RNF220: variants seen among roughly 807,000 people sequenced by gnomAD.
RNF220 encodes E3 ubiquitin-protein ligase RNF220.
RNF220 carries 7 observed loss-of-function variants against 67.1 expected under a neutral mutation model. The observed-to-expected ratio is 0.10, with a 90% confidence interval of 0.06 to 0.20. The LOEUF is 0.20. RNF220 is among the 10% of genes least tolerant of loss of function. The pLI, the probability that RNF220 is intolerant of heterozygous loss-of-function variation, is 1.00. For missense variants in RNF220, 565 were observed against 740.3 expected (o/e 0.76, Z 2.75); for synonymous variants, 270 against 283.2 (o/e 0.95, Z 0.47).
intron 2 of RNF220, among the ~76,000 whole-genome samples, chr1:44,545,806 G>T (rs918049613): frequency 6.6e-6 from 1 of 151,234 alleles, no homozygotes; most frequent in African/African-American, 2.4e-5. Flanking sequence ...GCCCAGGCTG[G>T]AGTGCAATGG....
At chr1:44,637,859 G>GC (rs574157386) in intron 8 of RNF220, among the ~76,000 whole-genome samples, 1 of 152,254 alleles carries the variant, frequency 6.6e-6, no homozygotes, top group South Asian at 2.1e-4. Flanking sequence ...GGGAACAGGG[G>GC]CCGGAGGTGC....
chr1:44,605,893 G>A (rs552647590), intron 2 of RNF220, among the ~76,000 whole-genome samples: 1 of 152,228 alleles, frequency 6.6e-6, no homozygotes, highest in East Asian at 1.9e-4. Flanking sequence ...TCTGCCCCAC[G>A]GGCACCGGCC....
At chr1:44,574,022 G>A (rs543442402) in intron 2 of RNF220, among the ~76,000 whole-genome samples, 14 of 152,334 alleles carry the variant, frequency 9.2e-5, no homozygotes, top group African/African-American at 3.4e-4. Flanking sequence ...GGAGGCTGAG[G>A]TGGGAGCATC....
chr1:44,411,787 C>T (rs965655413), intron 1 of RNF220, among the ~76,000 whole-genome samples, 194 bp from the exon 2 acceptor site: 2 of 152,148 alleles, frequency 1.3e-5, no homozygotes, highest in Non-Finnish European at 2.9e-5. Flanking sequence ...GCGTACATCA[C>T]AGTAAGTTGT....
rs1327474733 is a variant in RNF220, at chr1:44,622,438, G to A, written c.759-304G>A. 6.6e-6 allele frequency among the ~76,000 whole-genome samples: 1 copy of A among 152,210 alleles called. No homozygotes were observed. Among genetic ancestry groups the A allele is most frequent in the African/African-American group, 2.4e-5 (1 of 41,448 alleles). The stretch of plus-strand genomic sequence containing the variant: ...TCTCCAGGACAGGCAGAATCTTCAG[G>A]GCTGATACGAGGAGTCAGGTAAAGC... On this transcript the variant is annotated intron_variant, in intron 3 of 14. Coordinates refer to ENST00000361799, the MANE Select transcript of RNF220 (RefSeq NM_018150.4). The surrounding 1 kb of genome is among the most constrained non-coding windows in gnomAD (Gnocchi z 4.3).
chr1:44,548,257 G>A (rs1662335384), intron 2 of RNF220, among the ~76,000 whole-genome samples: 1 of 152,058 alleles, frequency 6.6e-6, no homozygotes, highest in Non-Finnish European at 1.5e-5. Context: ...TCACCATCCA[G>A]TCTTTCTCCC....
intron 2 of RNF220, among the ~76,000 whole-genome samples, chr1:44,445,043 T>G (rs1651937706): frequency 6.6e-6 from 1 of 152,234 alleles, no homozygotes; most frequent in African/African-American, 2.4e-5. Context: ...TTGTCAGACC[T>G]TTTAATATTT....
At chr1:44,543,745 T>C (rs912457242) in intron 2 of RNF220, among the ~76,000 whole-genome samples, 3 of 151,908 alleles carry the variant, frequency 2.0e-5, no homozygotes, top group Non-Finnish European at 4.4e-5. Flanking sequence ...CAGGAGTCAA[T>C]CCCAGAACCC....
chr1:44,564,288 A>T (rs1284348881), intron 2 of RNF220, among the ~76,000 whole-genome samples: 1 of 152,162 alleles, frequency 6.6e-6, no homozygotes, highest in Non-Finnish European at 1.5e-5. Flanking sequence ...CTTCTAACTC[A>T]GTGGTTTACA....
intron 2 of RNF220, among the ~76,000 whole-genome samples, chr1:44,431,578 T>C (rs1572479686): frequency 6.6e-6 from 1 of 152,000 alleles, no homozygotes. Flanking sequence ...AAACAGCAGA[T>C]GTGAGTGCTA....
At chr1:44,632,217 G>A in intron 5 of RNF220, 126 bp from the exon 6 acceptor site, 10 of 1,611,204 alleles carry the variant, frequency 6.2e-6, no homozygotes, top group East Asian at 2.2e-5. Context: ...AAGTAGGTTT[G>A]TTTACGGGCT....
intron 2 of RNF220, among the ~76,000 whole-genome samples, chr1:44,503,598 C>T (rs771111186): frequency 4.7e-4 from 71 of 152,290 alleles, no homozygotes; most frequent in African/African-American, 1.2e-3. Flanking sequence ...CCCCCTGTTC[C>T]GCCCTCTGCC....
At chr1:44,502,864 C>T (rs1377766670) in intron 2 of RNF220, among the ~76,000 whole-genome samples, 1 of 152,106 alleles carries the variant, frequency 6.6e-6, no homozygotes, top group African/African-American at 2.4e-5. Context: ...TTCCTGTGCT[C>T]AAGCGATCCT....
intron 2 of RNF220, among the ~76,000 whole-genome samples, chr1:44,513,665 T>A (rs146145742): frequency 8.1e-4 from 123 of 152,296 alleles, no homozygotes; most frequent in African/African-American, 2.8e-3. Flanking sequence ...AAAAGAGAGA[T>A]GTTTAAAGTA....
At chr1:44,498,054 C>T (rs1384295709) in intron 2 of RNF220, among the ~76,000 whole-genome samples, 4 of 152,142 alleles carry the variant, frequency 2.6e-5, no homozygotes, top group African/African-American at 4.8e-5. Context: ...GGCCTGGCCC[C>T]GACCGAGCTC....
chr1:44,524,169 G>C (rs144716151), intron 2 of RNF220, among the ~76,000 whole-genome samples: 106 of 152,198 alleles, frequency 7.0e-4, no homozygotes, highest in Non-Finnish European at 1.2e-3. Context: ...GCAAGGGCTC[G>C]TAAAGCTGCA....
At chr1:44,607,925 CTT>C (rs56995665) in intron 2 of RNF220, among the ~76,000 whole-genome samples, 16,015 of 141,712 alleles carry the variant, frequency 0.11, 946 homozygotes, top group African/African-American at 0.16. Context: ...GTTCTGTGTA[CTT>C]TTTTTTTTTT....
chr1:44,644,961 A>G (rs1573186312), intron 9 of RNF220, 34 bp from the exon 10 acceptor site: 5 of 1,610,870 alleles, frequency 3.1e-6, no homozygotes, highest in Non-Finnish European at 4.2e-6. Flanking sequence ...GCCTGCTGCA[A>G]ACTAGGATCC....
intron 2 of RNF220, among the ~76,000 whole-genome samples, chr1:44,580,821 C>G (rs1039170421): frequency 2.0e-5 from 3 of 152,216 alleles, no homozygotes; most frequent in Non-Finnish European, 1.5e-5. Context: ...GGTTGTGTGT[C>G]CCTCCTTCCC....
Sources: gnomAD v4.1 joint callset for allele counts (sites outside exome capture counted in the v4.1 genomes callset) on GRCh38, gnomAD v4.1.1 for gene constraint, Gnocchi (gnomAD v3.1) non-coding constraint, MANE v1.5 for transcripts, NCBI Gene and HGNC (gene_info 2026-07-23, HGNC 2026-07-21) for gene names.